ADAM32: variants seen among roughly 807,000 people sequenced by gnomAD.
ADAM32 encodes the protein ADAM metallopeptidase domain 32.
ADAM32 carries 89 observed loss-of-function variants against 114.9 expected under a neutral mutation model. The ratio of observed to expected loss-of-function variants is 0.77; its 90% CI spans 0.65 to 0.92. The LOEUF (loss-of-function observed/expected upper bound fraction) is 0.92, where lower values mean the gene tolerates loss of function less well. Among genes scored for constraint, ADAM32 ranks in the 40% least tolerant of loss-of-function variants. The pLI is 0.00. For synonymous variants in ADAM32, 285 were observed against 307.5 expected (o/e 0.93, Z 0.77); for missense variants, 870 against 932.8 (o/e 0.93, Z 0.88).
intron 2 of ADAM32, among the ~76,000 whole-genome samples, chr8:39,132,282 G>A (rs564321272): frequency 6.6e-6 from 1 of 152,128 alleles, no homozygotes; most frequent in African/African-American, 2.4e-5. Context: ...ATCAAATATA[G>A]GTATTTATAT....
At chr8:39,237,921 T>C (rs1585615437) in intron 16 of ADAM32, among the ~76,000 whole-genome samples, 1 of 152,182 alleles carries the variant, frequency 6.6e-6, no homozygotes, top group Non-Finnish European at 1.5e-5. Context: ...CCTATACTAC[T>C]ACAGCTGATG....
intron 10 of ADAM32, among the ~76,000 whole-genome samples, chr8:39,181,713 TAGTA>T (rs1805905785): frequency 1.3e-5 from 2 of 152,140 alleles, no homozygotes; most frequent in Admixed American, 1.3e-4. Context: ...AGAGAGAAGT[TAGTA>T]AGGAAGTTAG....
intron 12 of ADAM32, among the ~76,000 whole-genome samples, chr8:39,218,035 A>G (rs1808707275): frequency 6.6e-6 from 1 of 151,908 alleles, no homozygotes; most frequent in Non-Finnish European, 1.5e-5. Flanking sequence ...AGTATTTGAA[A>G]GGACTTAAGT....
chr8:39,205,450 C>T (rs377673155), intron 11 of ADAM32, among the ~76,000 whole-genome samples: 30 of 152,134 alleles, frequency 2.0e-4, no homozygotes, highest in African/African-American at 6.0e-4. Context: ...AATCTCCTGC[C>T]GTTTGCTAAG....
chr8:39,200,451 C>G (rs1807322677), intron 11 of ADAM32, among the ~76,000 whole-genome samples: 1 of 73,300 alleles, frequency 1.4e-5, no homozygotes, highest in South Asian at 5.1e-4. Context: ...ATCTCCTTCG[C>G]CCACTTTTTG....
chr8:39,111,333 G>T (rs569138129), intron 1 of ADAM32, among the ~76,000 whole-genome samples: 3 of 152,320 alleles, frequency 2.0e-5, no homozygotes, highest in African/African-American at 7.2e-5. Flanking sequence ...CCAATAATGA[G>T]TTGGCTATTC....
At chr8:39,221,872 G>T (rs547878437) in intron 13 of ADAM32, among the ~76,000 whole-genome samples, 170 bp downstream of exon 13, 2 of 151,966 alleles carry the variant, frequency 1.3e-5, no homozygotes, top group South Asian at 4.1e-4. Context: ...TTTCTTAGGT[G>T]TTCTATATGC....
rs753906723 is a variant in ADAM32 at position 39,283,581 on chromosome 8, C to T, written c.2319-5C>T. ...CCTAAAAATGTTATTTCCTTATTTC[C>T]TTAGATCCAAATCACAGGACAGTAC... On this transcript the variant is annotated splice_region_variant and splice_polypyrimidine_tract_variant and intron_variant, in intron 23 of 24. Transcript: ENST00000379907. The T allele has an allele frequency of 1.9e-6, 3 of 1,593,484 alleles. No homozygotes were observed. Among genetic ancestry groups the T allele is most frequent in the African/African-American group, 2.7e-5 (2 of 72,842 alleles).
chr8:39,255,499 A>C (rs1293147601), intron 18 of ADAM32, among the ~76,000 whole-genome samples: 1 of 151,900 alleles, frequency 6.6e-6, no homozygotes, highest in Non-Finnish European at 1.5e-5. Context: ...GCATTTTTTC[A>C]TATGTTTGTT....
intron 2 of ADAM32, among the ~76,000 whole-genome samples, chr8:39,127,747 C>T (rs1802205023): frequency 6.6e-6 from 1 of 152,016 alleles, no homozygotes; most frequent in African/African-American, 2.4e-5. Context: ...TCTTAGTTCT[C>T]TAGTTCTTTT....
rs1307271040 is a variant in ADAM32 at position 39,151,513 on chromosome 8, C to A, written c.490C>A (p.Gln164Lys). The A allele has an allele frequency of 6.3e-7, 1 of 1,591,432 alleles. No individual in the cohort carries two copies. Among genetic ancestry groups the A allele is most frequent in the East Asian group, 2.3e-5 (1 of 43,752 alleles). ...TTTTATTGACAGAAGCCTGAAAGAA[C>A]AACCAATGGATGACAACATTTTTAT... ...AIFIDRSLKE[Q>K]PMDDNIFISE... The change falls in exon 6 of 25, where the codon CAA becomes AAA. Residue 164 changes from glutamine (Q) to lysine (K), a missense_variant. Gln to Lys is a moderately conservative substitution (Grantham distance 53, BLOSUM62 1). Coordinates refer to ENST00000379907, the MANE Select transcript of ADAM32 (RefSeq NM_145004.7).
At chr8:39,259,357 G>A (rs878895673) in intron 19 of ADAM32, among the ~76,000 whole-genome samples, 2 of 151,614 alleles carry the variant, frequency 1.3e-5, no homozygotes, top group African/African-American at 2.4e-5. Flanking sequence ...GCACCACCAC[G>A]CCTGGCTAAT....
chr8:39,212,302 C>A (rs910358294), intron 12 of ADAM32, among the ~76,000 whole-genome samples: 2 of 152,126 alleles, frequency 1.3e-5, no homozygotes, highest in Non-Finnish European at 2.9e-5. Context: ...GCATGAGCTA[C>A]CACACCTGGT....
intron 9 of ADAM32, chr8:39,165,632 T>G (rs1804783030): frequency 6.6e-6 from 1 of 152,402 alleles, no homozygotes; most frequent in African/African-American, 2.4e-5. Context: ...CTGAGTAATT[T>G]TAAAATGTTA....
intron 21 of ADAM32, among the ~76,000 whole-genome samples, chr8:39,275,187 G>A (rs1006062214): frequency 6.6e-6 from 1 of 152,160 alleles, no homozygotes; most frequent in Admixed American, 6.5e-5. Flanking sequence ...TAGAGAAGGA[G>A]GTCAGCTTCA....
chr8:39,207,139 T>C (rs1414081483), intron 11 of ADAM32, among the ~76,000 whole-genome samples: 1 of 152,206 alleles, frequency 6.6e-6, no homozygotes, highest in Non-Finnish European at 1.5e-5. Context: ...GAGCTTATTA[T>C]GGCCAGGCTG....
chr8:39,212,571 TA>T lies in ADAM32; in HGVS notation c.1233+1248del, dbSNP rs367890882. 6.5e-3 allele frequency among the ~76,000 whole-genome samples: 990 copies of T among 152,346 alleles called. 6 individuals are homozygous for T. Among genetic ancestry groups the T allele is most frequent in the African/African-American group, 0.022 (921 of 41,588 alleles). ...CATATAAATGAAATGAGACAGCACA[TA>T]TTTTTTTATGTCTGGCTTTTTCCTT... On this transcript the variant is annotated intron_variant, in intron 12 of 24. Coordinates refer to ENST00000379907, the MANE Select transcript of ADAM32 (RefSeq NM_145004.7).
intron 5 of ADAM32, among the ~76,000 whole-genome samples, 180 bp downstream of exon 5, chr8:39,150,047 G>C (rs569965483): frequency 6.6e-6 from 1 of 152,252 alleles, no homozygotes; most frequent in East Asian, 1.9e-4. Flanking sequence ...TCAGTGACCA[G>C]AGACATTTCT....
intron 11 of ADAM32, among the ~76,000 whole-genome samples, chr8:39,198,167 A>AG (rs1554613054): frequency 6.6e-6 from 1 of 150,998 alleles, no homozygotes; most frequent in Non-Finnish European, 1.5e-5. Context: ...TTTGTGCAGA[A>AG]TTTTTTTTCC....
Sources: allele counts gnomAD v4.1 joint callset (sites outside exome capture counted in the v4.1 genomes callset), GRCh38; gene constraint gnomAD v4.1.1; transcripts MANE v1.5; gene names NCBI Gene and HGNC (gene_info 2026-07-23, HGNC 2026-07-21).